The following NTNG1 variants were observed in gnomAD, a reference collection of about 807,000 sequenced individuals.
NTNG1 encodes the protein netrin G1.
In NTNG1, 16 loss-of-function variants were observed where a neutral mutation model predicts 54.0. That is an observed-to-expected ratio of 0.30 (90% CI 0.20 to 0.45). NTNG1 has a LOEUF of 0.45. Ranked by LOEUF, NTNG1 falls within the 20% of genes least tolerant of loss-of-function variation. The probability of loss-of-function intolerance (pLI) is 1.00; values close to 1 mark genes in which losing one functional copy is unlikely to be tolerated. For missense variants in NTNG1, 530 were observed against 678.7 expected, an observed-to-expected ratio of 0.78 and a Z score of 2.43; for synonymous variants, 255 against 263.1, an observed-to-expected ratio of 0.97 and a Z score of 0.30.
At position 107,148,545 on chromosome 1, in the gene NTNG1, T is replaced by G; in HGVS notation, c.-49T>G. 1.3e-6 allele frequency: 2 copies of G among 1,591,262 alleles called. No individual in the cohort carries two copies. On this transcript the variant is annotated 5_prime_UTR_variant, in exon 2 of 8. Coordinates refer to ENST00000370068, the MANE Select transcript of NTNG1 (RefSeq NM_001113226.3). ...TAAACTAGACAAAGATCGCAGATCATAAAGCAAGCTCTGCTTTAGTTTCCA... is the reference window on the plus strand; with the variant it reads ...TAAACTAGACAAAGATCGCAGATCAGAAAGCAAGCTCTGCTTTAGTTTCCA...
intron 2 of NTNG1, among the ~76,000 whole-genome samples, chr1:107,237,762 A>T (rs1661511226): frequency 6.6e-6 from 1 of 152,178 alleles, no homozygotes; most frequent in African/African-American, 2.4e-5. Context: ...AGTGGTGTTG[A>T]GCCTGCAAAT....
chr1:107,437,360 G>A (rs1570960372), intron 7 of NTNG1, among the ~76,000 whole-genome samples: 1 of 152,218 alleles, frequency 6.6e-6, no homozygotes. Context: ...GCGAGGAGCT[G>A]TGGACAAATG....
chr1:107,149,665 G>T (rs984159344), intron 2 of NTNG1, among the ~76,000 whole-genome samples: 5 of 152,016 alleles, frequency 3.3e-5, no homozygotes, highest in African/African-American at 9.6e-5. Flanking sequence ...TTTTAAGAAA[G>T]ACATGGCTGA....
rs72987536 is a variant in NTNG1 at position 107,411,172 on chromosome 1, G to A, written c.1087+3464G>A. Reference sequence around the variant, plus strand: ...CATAGAATACTGAGGAAGGTGTTTGGCTATTCCTCTCCTGTCCCCCACCCT... The same window carrying A: ...CATAGAATACTGAGGAAGGTGTTTGACTATTCCTCTCCTGTCCCCCACCCT... On this transcript the variant is annotated intron_variant, in intron 5 of 7. Coordinates refer to ENST00000370068, the MANE Select transcript of NTNG1 (RefSeq NM_001113226.3). Among the ~76,000 whole-genome samples the A allele has an allele frequency of 6.6e-3, 822 of 125,078 alleles. 4 individuals are homozygous for A. The highest frequency in any genetic ancestry group is 0.022 in the African/African-American group (772 of 34,808). 82.1% of individuals were successfully genotyped at this position (125,078 alleles called of 152,430 possible). A position where few individuals can be genotyped will look rare whatever the true frequency, so the allele number is the denominator to read the frequency against.
chr1:107,229,007 A>AGATGGCTT (rs1369222540), intron 2 of NTNG1, among the ~76,000 whole-genome samples: 30 of 152,252 alleles, frequency 2.0e-4, no homozygotes, highest in African/African-American at 7.0e-4. Flanking sequence ...AAACTGATAA[A>AGATGGCTT]GATGGCTTGA....
At position 107,267,279 on chromosome 1, in the gene NTNG1, G is replaced by A. The variant is rs144025238; in HGVS notation, c.247-57003G>A. Among the ~76,000 whole-genome samples the A allele has an allele frequency of 5.4e-3, 823 of 152,274 alleles. 16 individuals are homozygous for A. The highest frequency in any genetic ancestry group is 0.018 in the African/African-American group (762 of 41,542). On this transcript the variant is annotated intron_variant, in intron 2 of 7. Coordinates refer to ENST00000370068, the MANE Select transcript of NTNG1 (RefSeq NM_001113226.3). ...ATCATAAGACTTGTAATGAATAGTA[G>A]CAATGTTGACCATTATTCAAGGAAG...
intron 2 of NTNG1, among the ~76,000 whole-genome samples, chr1:107,317,772 G>A (rs534767838): frequency 3.9e-5 from 6 of 152,210 alleles, no homozygotes; most frequent in Non-Finnish European, 7.4e-5. Flanking sequence ...TTTTAGTATT[G>A]TCAGGGAGCA....
chr1:107,480,632 T>C lies in NTNG1; in HGVS notation c.1412T>C (p.Leu471Pro). Residue 471 changes from leucine (L) to proline (P), a missense_variant, in exon 8 of 8, where the codon CTC (leucine) becomes CCC (proline). By Grantham distance (98) the Leu-to-Pro change is moderately conservative (BLOSUM62 -3). Transcript: ENST00000370068. The part of the protein sequence containing the change: ...GCQPNVCDNE[L>P]LHCQNGGTCH... ...GCAGCGAATGTCTGCGACAACGAGC[T>C]CCTGCACTGCCAGAACGGAGGGACG... 1 of 1,306,414 alleles carries C rather than the reference T, an allele frequency of 7.7e-7. No individual in the cohort carries two copies. Among genetic ancestry groups the C allele is most frequent in the Non-Finnish European group, 1.0e-6 (1 of 993,730 alleles). 80.9% of individuals were successfully genotyped at this position (1,306,414 alleles called of 1,614,324 possible).
chr1:107,360,862 A>G (rs1467770145), intron 3 of NTNG1, among the ~76,000 whole-genome samples: 2 of 152,096 alleles, frequency 1.3e-5, no homozygotes, highest in Non-Finnish European at 2.9e-5. Flanking sequence ...TCTCTCGTCC[A>G]TGCCTCCAGA....
chr1:107,407,772 C>T, intron 5 of NTNG1, 64 bp downstream of exon 5: 2 of 1,329,736 alleles, frequency 1.5e-6, no homozygotes, highest in South Asian at 2.3e-5. Context: ...CTTTGTTGTT[C>T]ACCTCCTCAG....
chr1:107,373,006 G>C (rs938893773), intron 3 of NTNG1, among the ~76,000 whole-genome samples: 6 of 151,854 alleles, frequency 4.0e-5, no homozygotes, highest in Admixed American at 2.6e-4. Flanking sequence ...CCCTTTTCGT[G>C]GGCAGCATAT....
chr1:107,401,345 T>C (rs1384122945), intron 4 of NTNG1, among the ~76,000 whole-genome samples: 2 of 152,154 alleles, frequency 1.3e-5, no homozygotes, highest in Admixed American at 6.5e-5. Context: ...GGCCCAGTGT[T>C]GAAAACCGGA....
chr1:107,384,205 A>G (rs764496091), intron 3 of NTNG1, among the ~76,000 whole-genome samples: 1 of 152,174 alleles, frequency 6.6e-6, no homozygotes, highest in East Asian at 1.9e-4. Context: ...CCTCCCTTGC[A>G]AGCTTAGAAA....
chr1:107,243,514 A>G (rs1378310817), intron 2 of NTNG1, among the ~76,000 whole-genome samples: 1 of 152,236 alleles, frequency 6.6e-6, no homozygotes, highest in African/African-American at 2.4e-5. Context: ...ATATATTTCA[A>G]TGACAGAATT....
intron 3 of NTNG1, among the ~76,000 whole-genome samples, chr1:107,343,794 A>G (rs985045507): frequency 1.3e-5 from 2 of 152,148 alleles, no homozygotes; most frequent in South Asian, 4.1e-4. Flanking sequence ...GTTCTCGTGA[A>G]AAAAGGAGCC....
intron 3 of NTNG1, among the ~76,000 whole-genome samples, chr1:107,391,761 G>A (rs1173825419): frequency 6.6e-6 from 1 of 151,964 alleles, no homozygotes. Flanking sequence ...ACTCATGGAG[G>A]GAGAACTCAG....
chr1:107,173,062 C>T (rs72979583), intron 2 of NTNG1, among the ~76,000 whole-genome samples: 2,975 of 152,074 alleles, frequency 0.02, 99 homozygotes, highest in African/African-American at 0.068. Flanking sequence ...AACTGGTCCA[C>T]GAGAACATCA....
chr1:107,314,980 A>G (rs1667253898), intron 2 of NTNG1, among the ~76,000 whole-genome samples: 2 of 152,204 alleles, frequency 1.3e-5, no homozygotes, highest in South Asian at 2.1e-4. Context: ...AGCATCACAT[A>G]TGCTTACTTC....
At chr1:107,147,463 A>AT (rs36089232) in intron 1 of NTNG1, among the ~76,000 whole-genome samples, 27 of 149,490 alleles carry the variant, frequency 1.8e-4, no homozygotes, top group South Asian at 6.3e-4. Flanking sequence ...TTTATTTTTG[A>AT]TTTTTTTTTT....
Sources: gnomAD v4.1 joint callset for allele counts (sites outside exome capture counted in the v4.1 genomes callset) on GRCh38, gnomAD v4.1.1 for gene constraint, MANE v1.5 for transcripts, NCBI Gene and HGNC (gene_info 2026-07-23, HGNC 2026-07-21) for gene names.